CTNNA1: variants seen among roughly 807,000 people sequenced by gnomAD.
CTNNA1 encodes catenin alpha 1, also known as catenin alpha-1.
A neutral mutation model predicts 98.4 loss-of-function variants in CTNNA1; 37 were observed. The observed-to-expected ratio is 0.38, with a 90% CI of 0.29 to 0.49. The LOEUF is 0.49. CTNNA1 is among the 20% of genes least tolerant of loss of function. The probability of loss-of-function intolerance (pLI) is 0.95; values close to 1 mark genes in which losing one functional copy is unlikely to be tolerated. For missense variants in CTNNA1, 761 were observed against 1,147.2 expected, an observed-to-expected ratio of 0.66 and a Z score of 4.86; for synonymous variants, 404 against 413.2, an observed-to-expected ratio of 0.98 and a Z score of 0.27.
rs747636658 is a variant in CTNNA1 at position 138,810,204 on chromosome 5, T to C, written c.468T>C (p.Val156=). 1 of 1,613,778 alleles carries C rather than the reference T, an allele frequency of 6.2e-7. No individual in the cohort carries two copies. The stretch of plus-strand genomic sequence containing the variant: ...ACAAATTACTTGTTCAGCTGAAAGT[T>C]GTAAGTATACAGGCCTATGTCTGTA... The part of the protein sequence containing the change: ...DVYKLLVQLK[V]VEDGILKLRN... The change falls in exon 4 of 18, where the codon GTT becomes GTC. Residue 156 remains valine, a splice_region_variant and synonymous_variant. Transcript: ENST00000302763.
At chr5:138,792,902 A>G (rs970952041) in intron 3 of CTNNA1, among the ~76,000 whole-genome samples, 6 of 152,170 alleles carry the variant, frequency 3.9e-5, no homozygotes, top group African/African-American at 1.4e-4. Context: ...TTTTTTTCTC[A>G]TAGTCTTCCT....
chr5:138,758,535 C>T (rs570606488), intron 1 of CTNNA1, among the ~76,000 whole-genome samples: 74 of 152,236 alleles, frequency 4.9e-4, no homozygotes, highest in Admixed American at 1.4e-3. Context: ...TGCCACCACG[C>T]CCAGCTAATT....
chr5:138,827,756 T>C (rs1269895285), intron 7 of CTNNA1, 38 bp downstream of exon 7: 1 of 1,610,214 alleles, frequency 6.2e-7, no homozygotes, highest in Non-Finnish European at 8.5e-7. Flanking sequence ...AAGATATTTA[T>C]GGATGAGGAG....
chr5:138,851,128 T>A (rs1466371578), intron 7 of CTNNA1, among the ~76,000 whole-genome samples: 3 of 152,216 alleles, frequency 2.0e-5, no homozygotes, highest in African/African-American at 7.2e-5. Context: ...AAGTTGAGGT[T>A]CAGGATAATT....
chr5:138,873,283 T>C lies in CTNNA1; in HGVS notation c.1063-12929T>C, dbSNP rs1312370573. 4 of 1,614,018 alleles carry C rather than the reference T, an allele frequency of 2.5e-6. No individual in the cohort carries two copies. The highest frequency in any genetic ancestry group is 2.5e-6 in the Non-Finnish European group (3 of 1,179,886). ...AGAAAGAAAACAATAAAGCCATTGT[T>C]CCCGTAATTACCCGCTGAGTGAAGA... is the stretch of plus-strand genomic sequence containing the variant. On this transcript the variant is annotated intron_variant, in intron 7 of 17. Coordinates refer to ENST00000302763, the MANE Select transcript of CTNNA1 (RefSeq NM_001903.5). This position sits in a 1 kb window ranked among gnomAD's most constrained non-coding sequence, Gnocchi z 6.1.
chr5:138,863,706 T>C (rs1207134189), intron 7 of CTNNA1, among the ~76,000 whole-genome samples: 1 of 152,218 alleles, frequency 6.6e-6, no homozygotes, highest in Non-Finnish European at 1.5e-5. Flanking sequence ...ACAGCAGAAT[T>C]TGCAGCAGAG....
chr5:138,879,171 TA>T (rs35271091), intron 7 of CTNNA1, among the ~76,000 whole-genome samples: 1,498 of 80,278 alleles, frequency 0.019, 6 homozygotes, highest in South Asian at 0.026. Context: ...ACTCCGTCTT[TA>T]AAAAAAAAAA....
chr5:138,754,582 G>A (rs1751414633), intron 1 of CTNNA1: 1 of 152,148 alleles, frequency 6.6e-6, no homozygotes, highest in Admixed American at 6.6e-5. Flanking sequence ...TTTGTGGAGC[G>A]AATATTTGTG....
At chr5:138,811,623 G>A (rs895855328) in intron 4 of CTNNA1, among the ~76,000 whole-genome samples, 1 of 152,158 alleles carries the variant, frequency 6.6e-6, no homozygotes, top group East Asian at 1.9e-4. Flanking sequence ...TCCAGCCTGG[G>A]CACTGTTGAG....
intron 5 of CTNNA1, among the ~76,000 whole-genome samples, chr5:138,820,167 G>A (rs974955665): frequency 1.3e-4 from 20 of 151,818 alleles, no homozygotes; most frequent in Admixed American, 4.6e-4. Context: ...TAGATGGAGT[G>A]GCTTCCTCTC....
At chr5:138,870,654 A>G (rs1004123514) in intron 7 of CTNNA1, 11 of 152,202 alleles carry the variant, frequency 7.2e-5, no homozygotes, top group African/African-American at 2.4e-4. Flanking sequence ...GTGGTTTGAA[A>G]TGATGGAAAA....
intron 9 of CTNNA1, among the ~76,000 whole-genome samples, chr5:138,896,823 G>A (rs1252563538): frequency 6.6e-6 from 1 of 152,154 alleles, no homozygotes; most frequent in Non-Finnish European, 1.5e-5. Context: ...GTGTACTGAG[G>A]TGAAGAATTT....
Position 138,917,912 on chromosome 5 carries a change from T to TC in CTNNA1, c.1546+18dup. 3 of 1,612,822 alleles carry TC rather than the reference T, an allele frequency of 1.9e-6. No individual in the cohort carries two copies. The highest frequency in any genetic ancestry group is 2.5e-6 in the Non-Finnish European group (3 of 1,179,000). ...TGGCTGTCTCAGGTAATGAGCTGGT[T>TC]CCCCAGAGAAGTATGTGAAGATGTT... On this transcript the variant is annotated intron_variant, in intron 11 of 17. Coordinates refer to ENST00000302763, the MANE Select transcript of CTNNA1 (RefSeq NM_001903.5).
intron 10 of CTNNA1, among the ~76,000 whole-genome samples, chr5:138,905,486 G>A (rs528623411): frequency 6.6e-6 from 1 of 152,302 alleles, no homozygotes; most frequent in South Asian, 2.1e-4. Context: ...CTGTGTTGGA[G>A]GAAACCAAAT....
chr5:138,764,194 AAAAAC>A (rs1029449363), intron 1 of CTNNA1, among the ~76,000 whole-genome samples: 5 of 151,900 alleles, frequency 3.3e-5, no homozygotes, highest in African/African-American at 1.2e-4. Context: ...CAAAAAAACA[AAAAAC>A]AAAAAACAAA....
intron 7 of CTNNA1, among the ~76,000 whole-genome samples, chr5:138,855,957 A>C (rs1461485694): frequency 6.6e-6 from 1 of 152,214 alleles, no homozygotes; most frequent in Non-Finnish European, 1.5e-5. Context: ...AAGAAGGAGA[A>C]AGTATGTGAC....
intron 1 of CTNNA1, among the ~76,000 whole-genome samples, chr5:138,755,987 G>A (rs943020100): frequency 1.3e-5 from 2 of 150,048 alleles, no homozygotes; most frequent in African/African-American, 2.5e-5. Flanking sequence ...CTCAGCCTCC[G>A]GAGTAGCTGG....
chr5:138,858,437 A>G (rs1763929664), intron 7 of CTNNA1, among the ~76,000 whole-genome samples: 1 of 152,136 alleles, frequency 6.6e-6, no homozygotes, highest in Non-Finnish European at 1.5e-5. Flanking sequence ...CAGTATTTTT[A>G]AAGGTAAGTT....
At chr5:138,782,796 A>C (rs949255172) in intron 2 of CTNNA1, among the ~76,000 whole-genome samples, 6 of 152,244 alleles carry the variant, frequency 3.9e-5, no homozygotes, top group African/African-American at 1.4e-4. Context: ...AAAGTTTGAA[A>C]ACAGTGGCAG....
Sources: gnomAD v4.1 joint callset for allele counts (sites outside exome capture counted in the v4.1 genomes callset) on GRCh38, gnomAD v4.1.1 for gene constraint, Gnocchi (gnomAD v3.1) non-coding constraint, MANE v1.5 for transcripts, NCBI Gene and HGNC (gene_info 2026-07-23, HGNC 2026-07-21) for gene names.